Variants in CD300A observed in about 807,000 individuals in gnomAD.
CD300A encodes the protein CD300a molecule.
In CD300A, 22 loss-of-function variants were observed where a neutral mutation model predicts 33.6. The observed-to-expected ratio is 0.66, with a 90% CI of 0.47 to 0.94. The LOEUF (loss-of-function observed/expected upper bound fraction) is 0.94. Among genes scored for constraint, CD300A ranks in the 40% least tolerant of loss-of-function variants. The pLI is 0.00. For missense variants in CD300A, 326 were observed against 360.5 expected, an observed-to-expected ratio of 0.90 and a Z score of 0.77; for synonymous variants, 136 against 148.1, an observed-to-expected ratio of 0.92 and a Z score of 0.59.
intron 2 of CD300A, 145 bp from the exon 3 acceptor site, chr17:74,474,387 C>T (rs1160746098): frequency 4.1e-5 from 32 of 779,770 alleles, no homozygotes; most frequent in Non-Finnish European, 6.4e-5. Flanking sequence ...CCAGGAGGGT[C>T]CTGGAGAGAC....
Position 74,477,008 on chromosome 17 carries a change from G to T in CD300A, c.534-428G>T, listed in dbSNP as rs902367992. ...AAATTGGGGAATGTGTAAATGGGGG[G>T]TGTGTAGAAAGGGGGCTTTATACTG... On this transcript the variant is annotated intron_variant, in intron 3 of 6. Coordinates refer to ENST00000360141, the MANE Select transcript of CD300A (RefSeq NM_007261.4). 3.3e-5 allele frequency among the ~76,000 whole-genome samples: 5 copies of T among 151,940 alleles called. 1 individual carries two copies. Among genetic ancestry groups the T allele is most frequent in the Non-Finnish European group, 7.4e-5 (5 of 68,008 alleles).
chr17:74,473,641 G>C lies in CD300A; in HGVS notation c.146G>C (p.Trp49Ser). 1 of 1,614,212 alleles carries C rather than the reference G, an allele frequency of 6.2e-7. No individual in the cohort carries two copies. The highest frequency in any genetic ancestry group is 1.1e-5 in the South Asian group (1 of 91,084). The change falls in exon 2 of 7, where the codon TGG becomes TCG. Residue 49 changes from tryptophan (W) to serine (S), a missense_variant. By Grantham distance (177) the Trp-to-Ser change is radical. Coordinates refer to ENST00000360141, the MANE Select transcript of CD300A (RefSeq NM_007261.4). ...EKEHRTLNKY[W>S]CRPPQIFLCD... is the part of the protein sequence containing the mutation. ...GAACACAGGACCCTCAACAAATACT[G>C]GTGCAGACCACCACAGATTTTCCTA...
chr17:74,483,086 G>A lies in CD300A; in HGVS notation c.775-915G>A, dbSNP rs112130019. The stretch of plus-strand genomic sequence containing the variant: ...TTGCATGACATGATCTTGTGTCCAC[G>A]AAGCTGCATGGCCTGGGACCAGCAA... On this transcript the variant is annotated intron_variant, in intron 6 of 6. Coordinates refer to ENST00000360141, the MANE Select transcript of CD300A (RefSeq NM_007261.4). Among the ~76,000 whole-genome samples the A allele has an allele frequency of 8.7e-3, 1,323 of 152,192 alleles. 11 individuals are homozygous for A. The highest frequency in any genetic ancestry group is 0.017 in the Middle Eastern group (5 of 294).
At chr17:74,474,482 G>A (rs773991832) in intron 2 of CD300A, 50 bp from the exon 3 acceptor site, 2 of 1,593,510 alleles carry the variant, frequency 1.3e-6, no homozygotes, top group South Asian at 2.2e-5. Context: ...CTGAGTGGTG[G>A]GAGAGCCAGA....
At chr17:74,471,871 G>A (rs189529898) in intron 1 of CD300A, among the ~76,000 whole-genome samples, 103 of 152,254 alleles carry the variant, frequency 6.8e-4, no homozygotes, top group African/African-American at 1.9e-3. Context: ...ACCTGTAGAC[G>A]TTGAAGGTAT....
At chr17:74,479,986 C>T (rs1906725694) in intron 4 of CD300A, among the ~76,000 whole-genome samples, 1 of 152,156 alleles carries the variant, frequency 6.6e-6, no homozygotes, top group East Asian at 1.9e-4. Flanking sequence ...AGTGAGCTTC[C>T]CCTACCGCTG....
chr17:74,467,042 G>A (rs1408468141), intron 1 of CD300A: 1 of 1,263,642 alleles, frequency 7.9e-7, no homozygotes, highest in Non-Finnish European at 1.0e-6. Flanking sequence ...ATTCTTACAG[G>A]AAGGGGGACG....
chr17:74,477,562 C>G lies in CD300A; in HGVS notation c.628+32C>G, dbSNP rs148809247. Reference sequence around the variant, plus strand: ...TGGCTCCCCACACCCCTCTGCCCCACCTGGGGTGGTCAGACCCTGACCACA... The same window carrying G: ...TGGCTCCCCACACCCCTCTGCCCCAGCTGGGGTGGTCAGACCCTGACCACA... On this transcript the variant is annotated intron_variant, in intron 4 of 6. Transcript: ENST00000360141. The G allele has an allele frequency of 4.9e-4, 738 of 1,509,066 alleles. 9 individuals are homozygous for G. The East Asian group carries it at 0.016, about 34-fold the overall frequency. The allele number at this position is 1,509,066 out of a possible 1,614,324, so 93.5% of individuals were successfully genotyped here.
chr17:74,478,080 C>T (rs1265679245), intron 4 of CD300A, among the ~76,000 whole-genome samples: 2 of 152,216 alleles, frequency 1.3e-5, no homozygotes, highest in African/African-American at 4.8e-5. Context: ...CTTGTATCTC[C>T]TTTAATGACA....
intron 4 of CD300A, among the ~76,000 whole-genome samples, chr17:74,478,332 C>A (rs1002179045): frequency 6.6e-6 from 1 of 152,220 alleles, no homozygotes; most frequent in African/African-American, 2.4e-5. Context: ...TTCCCACAGG[C>A]ATGTGCTTCA....
chr17:74,479,494 G>T (rs1443660068), intron 4 of CD300A, among the ~76,000 whole-genome samples: 2 of 151,976 alleles, frequency 1.3e-5, no homozygotes, highest in Non-Finnish European at 2.9e-5. Context: ...AGCCCAGAGT[G>T]CTGGGATTAC....
chr17:74,483,918 G>T (rs1907084681), intron 6 of CD300A, 83 bp from the exon 7 acceptor site: 1 of 1,523,754 alleles, frequency 6.6e-7, no homozygotes, highest in Non-Finnish European at 9.0e-7. Context: ...CCCCTCAGGT[G>T]TCCTCCCTCC....
intron 3 of CD300A, among the ~76,000 whole-genome samples, chr17:74,476,155 T>C (rs1161575528): frequency 6.6e-6 from 1 of 152,178 alleles, no homozygotes; most frequent in Non-Finnish European, 1.5e-5. Context: ...CTTTGGGAGG[T>C]TGGGCTGGCT....
chr17:74,479,237 T>C (rs892433624), intron 4 of CD300A, among the ~76,000 whole-genome samples: 8 of 151,116 alleles, frequency 5.3e-5, no homozygotes, highest in African/African-American at 1.9e-4. Flanking sequence ...CTATGATTTC[T>C]TTTTTTTTCT....
chr17:74,478,635 C>T (rs1056436049), intron 4 of CD300A, among the ~76,000 whole-genome samples: 2 of 152,202 alleles, frequency 1.3e-5, no homozygotes, highest in South Asian at 4.1e-4. Flanking sequence ...CCTCCCTGTT[C>T]GGAGAGTTGA....
intron 3 of CD300A, among the ~76,000 whole-genome samples, chr17:74,476,953 C>T (rs1906504673): frequency 6.6e-6 from 1 of 151,578 alleles, no homozygotes; most frequent in Non-Finnish European, 1.5e-5. Context: ...CTGGAAGGTT[C>T]TTAAGAACAG....
chr17:74,477,340 A>T, intron 3 of CD300A, 96 bp from the exon 4 acceptor site: 1 of 793,168 alleles, frequency 1.3e-6, no homozygotes, highest in South Asian at 1.8e-5. Context: ...ACAGAGCCAG[A>T]TCCTGTCTCA....
intron 1 of CD300A, among the ~76,000 whole-genome samples, chr17:74,467,334 C>G (rs998281428): frequency 6.6e-6 from 1 of 152,070 alleles, no homozygotes; most frequent in Non-Finnish European, 1.5e-5. Context: ...GGGGAAGTCC[C>G]GAGGCAGCCT....
intron 3 of CD300A, among the ~76,000 whole-genome samples, chr17:74,476,870 C>T (rs1032995283): frequency 2.0e-5 from 3 of 152,168 alleles, no homozygotes; most frequent in Admixed American, 6.5e-5. Flanking sequence ...TAGTGTTAGA[C>T]GAGGCCTCCT....
Sources: allele counts gnomAD v4.1 joint callset (sites outside exome capture counted in the v4.1 genomes callset), GRCh38; gene constraint gnomAD v4.1.1; transcripts MANE v1.5; gene names NCBI Gene and HGNC (gene_info 2026-07-23, HGNC 2026-07-21).